RBFOX1: variants seen among roughly 807,000 people sequenced by gnomAD.
RBFOX1 encodes RNA binding protein fox-1 homolog 1.
RBFOX1 carries 8 observed loss-of-function variants against 57.7 expected under a neutral mutation model. That is an observed-to-expected ratio of 0.14 (90% CI 0.08 to 0.25). The LOEUF (loss-of-function observed/expected upper bound fraction) is 0.25. Among genes scored for constraint, RBFOX1 ranks in the 10% least tolerant of loss-of-function variants. The pLI, the probability that RBFOX1 is intolerant of heterozygous loss-of-function variation, is 1.00. For missense variants in RBFOX1, 611 were observed against 548.5 expected, an observed-to-expected ratio of 1.11 and a Z score of -1.14; for synonymous variants, 326 against 222.4, an observed-to-expected ratio of 1.47 and a Z score of -4.15.
At chr16:6,825,397 G>A (rs912537289) in intron 3 of RBFOX1, among the ~76,000 whole-genome samples, 1 of 151,818 alleles carries the variant, frequency 6.6e-6, no homozygotes, top group Non-Finnish European at 1.5e-5. Context: ...CGAATTAACG[G>A]AAAAGCCAGA....
chr16:7,031,854 A>C (rs937220275), intron 3 of RBFOX1, among the ~76,000 whole-genome samples: 1 of 152,160 alleles, frequency 6.6e-6, no homozygotes, highest in African/African-American at 2.4e-5. Flanking sequence ...CCTGCTGGAC[A>C]CACAGGGAGC....
At chr16:7,390,089 A>C (rs913519002) in intron 4 of RBFOX1, among the ~76,000 whole-genome samples, 1 of 152,152 alleles carries the variant, frequency 6.6e-6, no homozygotes, top group African/African-American at 2.4e-5. Flanking sequence ...AGAGAGGAAG[A>C]CAGAAAAACA....
At chr16:5,856,187 C>CTCTCTCTCTCTCTCTCTA (rs1430331422) in intron 3 of RBFOX1, among the ~76,000 whole-genome samples, 1 of 31,064 alleles carries the variant, frequency 3.2e-5, no homozygotes, top group Non-Finnish European at 5.6e-5. Context: ...CTCTCTCTCT[C>CTCTCTCTCTCTCTCTCTA]TATATATATA....
chr16:5,473,884 G>A (rs1567137908), intron 2 of RBFOX1, among the ~76,000 whole-genome samples: 3 of 148,750 alleles, frequency 2.0e-5, no homozygotes, highest in South Asian at 4.4e-4. Context: ...CAGATGTAAG[G>A]GGGGTGGGTA....
chr16:5,722,680 G>A (rs956190182), intron 3 of RBFOX1, among the ~76,000 whole-genome samples: 1 of 152,116 alleles, frequency 6.6e-6, no homozygotes, highest in Non-Finnish European at 1.5e-5. Context: ...CTTGGTTGAG[G>A]ACTTTCTCAA....
intron 3 of RBFOX1, among the ~76,000 whole-genome samples, chr16:7,005,813 C>G (rs990738777): frequency 1.3e-5 from 2 of 152,196 alleles, no homozygotes; most frequent in Admixed American, 6.5e-5. Flanking sequence ...TTCTGGCTCA[C>G]ATGAGTGACT....
At position 6,923,534 on chromosome 16, in the gene RBFOX1, AAAAT is replaced by A. The variant is rs370912503; in HGVS notation, c.-15-128511_-15-128508del. Among the ~76,000 whole-genome samples, 37 of 152,246 alleles carry A rather than the reference AAAAT, an allele frequency of 2.4e-4. 1 individual carries two copies. In the South Asian group the frequency reaches 7.5e-3, roughly 31 times the overall value. On this transcript the variant is annotated intron_variant, in intron 3 of 15. Coordinates refer to ENST00000550418, the MANE Select transcript of RBFOX1 (RefSeq NM_018723.4). ...GATGATGGAGAAAGACTCCATCTCA[AAAAT>A]AAATAAATAAAAAGATGTGGTATTC...
intron 3 of RBFOX1, among the ~76,000 whole-genome samples, chr16:5,846,294 AAGG>A (rs892244280): frequency 2.0e-5 from 3 of 152,200 alleles, no homozygotes; most frequent in East Asian, 1.9e-4. Context: ...GAGTGGAGAA[AAGG>A]AGGAGGAGAA....
intron 2 of RBFOX1, among the ~76,000 whole-genome samples, chr16:6,422,128 G>A (rs1479033902): frequency 6.6e-6 from 1 of 151,458 alleles, no homozygotes; most frequent in African/African-American, 2.4e-5. Context: ...TTCCCATTTT[G>A]GCCTGGCTGG....
intron 1 of RBFOX1, among the ~76,000 whole-genome samples, chr16:6,291,160 A>G (rs764367732): frequency 3.3e-5 from 5 of 152,038 alleles, no homozygotes; most frequent in Non-Finnish European, 7.4e-5. Context: ...CACCTTCTCC[A>G]CTGCAACCTG....
intron 3 of RBFOX1, among the ~76,000 whole-genome samples, chr16:7,046,444 C>G (rs77603130): frequency 0.022 from 3,363 of 152,004 alleles, 127 homozygotes; most frequent in African/African-American, 0.077. Flanking sequence ...AGCTTGACTT[C>G]GGTGATTGTT....
chr16:7,236,486 C>A (rs530580084), intron 4 of RBFOX1, among the ~76,000 whole-genome samples: 152 of 152,224 alleles, frequency 1.0e-3, no homozygotes, highest in African/African-American at 3.3e-3. Flanking sequence ...CTCCATGGTT[C>A]CTAAATGCAT....
chr16:5,337,596 T>C (rs1402654439), intron 1 of RBFOX1, among the ~76,000 whole-genome samples: 3 of 152,248 alleles, frequency 2.0e-5, no homozygotes, highest in East Asian at 1.9e-4. Context: ...TTTTTAAAAA[T>C]AAATATTGTT....
intron 3 of RBFOX1, among the ~76,000 whole-genome samples, chr16:5,732,605 G>A (rs942743473): frequency 8.5e-5 from 13 of 152,298 alleles, no homozygotes; most frequent in East Asian, 1.9e-4. Flanking sequence ...CTGGGTCTCC[G>A]TTTCTGCACT....
intron 3 of RBFOX1, among the ~76,000 whole-genome samples, chr16:5,672,885 G>C (rs1596686590): frequency 7.0e-6 from 1 of 142,208 alleles, no homozygotes; most frequent in African/African-American, 2.9e-5. Context: ...GTGTGTGTGT[G>C]TGTGTCTGGG....
Position 6,469,992 on chromosome 16 carries a change from C to G in RBFOX1, c.-64+152935C>G, listed in dbSNP as rs562250282. On this transcript the variant is annotated intron_variant, in intron 2 of 15. Transcript: ENST00000550418. The stretch of plus-strand genomic sequence containing the variant: ...TTAACTGAGCTCTCATTCTAGACAA[C>G]AAAGTAATCCAGTGTCCTATTCAAA... Among the ~76,000 whole-genome samples the G allele has an allele frequency of 3.9e-5, 6 of 152,322 alleles. No individual in the cohort carries two copies. The South Asian group carries it at 1.2e-3, about 32-fold the overall frequency.
intron 3 of RBFOX1, among the ~76,000 whole-genome samples, chr16:5,625,698 C>A (rs1054263731): frequency 6.6e-6 from 1 of 151,540 alleles, no homozygotes; most frequent in Admixed American, 6.6e-5. Context: ...GCTGGGACTA[C>A]AGGTGCCCAC....
At chr16:7,361,640 G>A (rs1596444651) in intron 4 of RBFOX1, among the ~76,000 whole-genome samples, 1 of 152,198 alleles carries the variant, frequency 6.6e-6, no homozygotes, top group African/African-American at 2.4e-5. Context: ...CAAACAGGTG[G>A]GAGACAGCAG....
At chr16:5,639,570 A>G (rs2048794748) in intron 3 of RBFOX1, among the ~76,000 whole-genome samples, 6 of 152,172 alleles carry the variant, frequency 3.9e-5, no homozygotes, top group Admixed American at 3.9e-4. Flanking sequence ...TGTGTTTGCC[A>G]CACTCTCCAT....
Sources: allele counts gnomAD v4.1 joint callset (sites outside exome capture counted in the v4.1 genomes callset), GRCh38; gene constraint gnomAD v4.1.1; transcripts MANE v1.5; gene names NCBI Gene and HGNC (gene_info 2026-07-23, HGNC 2026-07-21).